APOBR: variants seen among roughly 807,000 people sequenced by gnomAD.
The protein encoded by APOBR is apolipoprotein B receptor.
In APOBR, 57 loss-of-function variants were observed where a neutral mutation model predicts 88.5. The observed-to-expected ratio is 0.64, with a 90% CI of 0.52 to 0.80. The LOEUF is 0.80. Ranked by LOEUF, APOBR falls within the 30% of genes least tolerant of loss-of-function variation. APOBR has a pLI of 0.00. For missense variants in APOBR, 1,443 were observed against 1,401.6 expected, an observed-to-expected ratio of 1.03 and a Z score of -0.47; for synonymous variants, 588 against 572.7, an observed-to-expected ratio of 1.03 and a Z score of -0.38.
Position 28,497,266 on chromosome 16 carries a change from T to A in APOBR, c.2225T>A (p.Leu742Gln). 1 of 1,590,410 alleles carries A rather than the reference T, an allele frequency of 6.3e-7. No homozygotes were observed. Among genetic ancestry groups the A allele is most frequent in the Non-Finnish European group, 8.6e-7 (1 of 1,168,904 alleles). ...AGAACATCCAGAAGAGGCTGGAGGC[T>A]GCAAGCGGTGGCTGTGGGCCTCCCG... ...ADRTSRRGWR[L>Q]QAVAVGLPDR... Residue 742 changes from leucine to glutamine, a missense_variant, in exon 2 of 4, where the codon CTG becomes CAG. Transcript: ENST00000564831.
chr16:28,498,863 G>A lies in APOBR; in HGVS notation c.*358G>A, dbSNP rs1362515966. The A allele has an allele frequency of 2.4e-5, 14 of 571,966 alleles. No homozygotes were observed. The highest frequency in any genetic ancestry group is 1.1e-4 in the African/African-American group (6 of 53,642). 35.4% of individuals were successfully genotyped at this position (571,966 alleles called of 1,614,324 possible). A position where few individuals can be genotyped will look rare whatever the true frequency, so the allele number is the denominator to read the frequency against. The stretch of plus-strand genomic sequence containing the variant: ...TTTGGGAGGCCAAGGTGGGAGGATC[G>A]CTTGAGACCAGGAGTTCGAGACCAG... On this transcript the variant is annotated 3_prime_UTR_variant, in exon 4 of 4. Coordinates refer to ENST00000564831, the MANE Select transcript of APOBR (RefSeq NM_018690.4).
In APOBR at chr16:28,497,984, C is replaced by T; in HGVS notation, c.2943C>T (p.Asn981=). The part of the protein sequence containing the change: ...AMGSARGGAA[N]SWSEAPLPGS... ...GCAGTGCCAGAGGAGGTGCTGCCAACAGCTGGAGCGAGGTGAGGGCTCTTG... is the reference window on the plus strand; with the variant it reads ...GCAGTGCCAGAGGAGGTGCTGCCAATAGCTGGAGCGAGGTGAGGGCTCTTG... The change falls in exon 2 of 4, where the codon AAC becomes AAT. Residue 981 remains asparagine (N), a synonymous_variant. Transcript: ENST00000564831. The T allele has an allele frequency of 6.3e-7, 1 of 1,597,958 alleles. No individual in the cohort carries two copies.
In APOBR at chr16:28,497,333, T is replaced by C. The variant is rs1175950724; in HGVS notation, c.2292T>C (p.Ile764=). The change falls in exon 2 of 4, where the codon ATT becomes ATC. Residue 764 remains isoleucine, a synonymous_variant. Coordinates refer to ENST00000564831, the MANE Select transcript of APOBR (RefSeq NM_018690.4). ...DAQTGSVAAG[I]MGGDVVPHIS... ...AGACTGGCTCTGTGGCTGCTGGGAT[T>C]ATGGGGGGTGATGTGGTCCCACACA... is the stretch of plus-strand genomic sequence containing the variant. 4.4e-6 allele frequency: 7 copies of C among 1,605,320 alleles called. No individual in the cohort carries two copies. In the South Asian group the frequency reaches 6.7e-5, roughly 15 times the overall value.
chr16:28,495,523 A>C lies in APOBR; in HGVS notation c.482A>C (p.Glu161Ala). ...DRSGQAQERQ[E>A]SHEQEVNREE... ...AGCGGCCAAGCCCAGGAGAGGCAGG[A>C]GTCCCATGAGCAGGAAGTGAACAGA... is the stretch of plus-strand genomic sequence containing the variant. Residue 161 changes from glutamate (E) to alanine (A), a missense_variant, in exon 2 of 4, where the codon GAG (glutamate) becomes GCG (alanine). Coordinates refer to ENST00000564831, the MANE Select transcript of APOBR (RefSeq NM_018690.4). 1 of 1,568,114 alleles carries C rather than the reference A, an allele frequency of 6.4e-7. No homozygotes were observed. Among genetic ancestry groups the C allele is most frequent in the Non-Finnish European group, 8.6e-7 (1 of 1,156,858 alleles).
rs1376484198 is a variant in APOBR at position 28,496,013 on chromosome 16, CGGGGAGGAGGCCGGGACAGCCTCGGGA to C, written c.989_1015del (p.Thr330_Gly338del). On this transcript the variant is annotated inframe_deletion, in exon 2 of 4. Transcript: ENST00000564831. ...GGGAGGAGGCTGAAACAGCCTCAGG[CGGGGAGGAGGCCGGGACAGCCTCGGGA>C]GGGGAGGAGGCCGGGATAGCCTCAG... 9.3e-6 allele frequency: 13 copies of C among 1,397,822 alleles called. No homozygotes were observed. The highest frequency in any genetic ancestry group is 3.4e-5 in the East Asian group (1 of 29,682). The allele number at this position is 1,397,822 out of a possible 1,614,324, so 86.6% of individuals were successfully genotyped here.
chr16:28,497,908 C>T lies in APOBR; in HGVS notation c.2867C>T (p.Ala956Val). 6.2e-7 allele frequency: 1 copy of T among 1,613,578 alleles called. No homozygotes were observed. Among genetic ancestry groups the T allele is most frequent in the Non-Finnish European group, 8.5e-7 (1 of 1,179,758 alleles). ...GAGCAGCCAACACACCAGGCCCCTG[C>T]AGAAGCTGCGCCGGAGTCAGTCGGG... Reference protein sequence around the residue: ...QEEQPTHQAPAEAAPESVGEA... With the variant: ...QEEQPTHQAPVEAAPESVGEA... The change falls in exon 2 of 4, where the codon GCA becomes GTA. Residue 956 changes from alanine to valine, a missense_variant. Ala to Val is a moderately conservative substitution (Grantham distance 64). Coordinates refer to ENST00000564831, the MANE Select transcript of APOBR (RefSeq NM_018690.4).
Position 28,497,478 on chromosome 16 carries a change from G to A in APOBR, c.2437G>A (p.Gly813Ser). The stretch of plus-strand genomic sequence containing the variant: ...AGGTGGGCAAGAATTTGGTCTGGAG[G>A]GCTCAGCAGAGGAAGAGGTGACTGG... Reference protein sequence around the residue: ...HAGGQEFGLEGSAEEEVTGRG... With the variant: ...HAGGQEFGLESSAEEEVTGRG... Residue 813 changes from glycine (G) to serine (S), a missense_variant, in exon 2 of 4, where the codon GGC (glycine) becomes AGC (serine). Gly to Ser is a moderately conservative substitution (Grantham distance 56). Transcript: ENST00000564831. 1 of 1,613,848 alleles carries A rather than the reference G, an allele frequency of 6.2e-7. No homozygotes were observed. Among genetic ancestry groups the A allele is most frequent in the Non-Finnish European group, 8.5e-7 (1 of 1,179,820 alleles).
Position 28,495,844 on chromosome 16 carries a change from C to T in APOBR, c.803C>T (p.Pro268Leu). Residue 268 changes from proline (P) to leucine (L), a missense_variant, in exon 2 of 4, where the codon CCA becomes CTA. By Grantham distance (98) the Pro-to-Leu change is moderately conservative. Transcript: ENST00000564831. ...ESTRAWGTWG[P>L]GAEPEDWGIL... ...ACTAGGGCATGGGGGACGTGGGGCC[C>T]AGGGGCAGAGCCTGAGGACTGGGGA... 2.5e-6 allele frequency: 4 copies of T among 1,609,346 alleles called. No individual in the cohort carries two copies. Among genetic ancestry groups the T allele is most frequent in the Non-Finnish European group, 3.4e-6 (4 of 1,178,066 alleles).
Position 28,495,153 on chromosome 16 carries a change from G to T in APOBR, c.112G>T (p.Glu38Ter). Residue 38 changes from glutamate (E) to a stop codon, truncating the protein, a stop_gained, in exon 2 of 4, where the codon GAG becomes TAG. Coordinates refer to ENST00000564831, the MANE Select transcript of APOBR (RefSeq NM_018690.4). LOFTEE classifies it high-confidence loss of function. ...CCTGGGAGATGCAGTCCCCACTGTA[G>T]AGCGGGAGGCGCAGGCGGCTGAGGA... The part of the protein sequence containing the change: ...YLLGDAVPTV[E>*]REAQAAEELG... The T allele has an allele frequency of 6.4e-7, 1 of 1,566,934 alleles. No individual in the cohort carries two copies. The highest frequency in any genetic ancestry group is 8.6e-7 in the Non-Finnish European group (1 of 1,159,314).
In APOBR at chr16:28,497,154, G is replaced by A. The variant is rs763969567; in HGVS notation, c.2113G>A (p.Gly705Arg). The A allele has an allele frequency of 2.9e-5, 46 of 1,605,652 alleles. No homozygotes were observed. Among genetic ancestry groups the A allele is most frequent in the Middle Eastern group, 3.3e-4 (2 of 6,068 alleles). ...TGTCTCAGAGAACCAGGAGCTGGAC[G>A]GAAGCACAGGGGCAGACGCAGGGCC... is the stretch of plus-strand genomic sequence containing the variant. ...ASVSENQELD[G>R]STGADAGPCP... Residue 705 changes from glycine to arginine, a missense_variant, in exon 2 of 4, where the codon GGA (glycine) becomes AGA (arginine). Coordinates refer to ENST00000564831, the MANE Select transcript of APOBR (RefSeq NM_018690.4).
Position 28,496,844 on chromosome 16 carries a change from CCTGGAGGCAGGTCCCAGGCACGCGGGGT to C in APOBR, c.1807_1834del (p.Glu603Ter). 1.3e-6 allele frequency: 2 copies of C among 1,559,554 alleles called. No homozygotes were observed. The highest frequency in any genetic ancestry group is 1.7e-4 in the Middle Eastern group (1 of 6,000). ...TGAGCAAAGAGGAGCAGGAGAGGAG[CCTGGAGGCAGGTCCCAGGCACGCGGGGT>C]CTGTAAAGCCTGAGGCCTCCGAGGC... On this transcript the variant is annotated frameshift_variant, in exon 2 of 4. Transcript: ENST00000564831. LOFTEE classifies it high-confidence loss of function.
chr16:28,494,752 A>C lies in APOBR; in HGVS notation c.57+14A>C. 1 of 1,604,854 alleles carries C rather than the reference A, an allele frequency of 6.2e-7. No homozygotes were observed. The highest frequency in any genetic ancestry group is 1.1e-5 in the South Asian group (1 of 90,372). ...AGGGGGGCACTGGTGAGAAGGGCAG[A>C]CAGCTGCCAGATACTTGCACCCCAT... On this transcript the variant is annotated intron_variant, in intron 1 of 3. Transcript: ENST00000564831.
At position 28,498,581 on chromosome 16, in the gene APOBR, C is replaced by T; in HGVS notation, c.*76C>T. ...TGCTCCAATGCCACTGAGCCCTGCT[C>T]CCTCTGCCACTGTGGACACATCCTC... On this transcript the variant is annotated 3_prime_UTR_variant, in exon 4 of 4. Transcript: ENST00000564831. The T allele has an allele frequency of 1.4e-6, 2 of 1,478,172 alleles. No individual in the cohort carries two copies. Among genetic ancestry groups the T allele is most frequent in the South Asian group, 1.2e-5 (1 of 81,026 alleles). 91.6% of individuals were successfully genotyped at this position (1,478,172 alleles called of 1,614,324 possible). A position where few individuals can be genotyped will look rare whatever the true frequency, so the allele number is the denominator to read the frequency against.
In APOBR at chr16:28,496,198, T is replaced by A; in HGVS notation, c.1157T>A (p.Val386Asp). 1 of 1,575,082 alleles carries A rather than the reference T, an allele frequency of 6.3e-7. No homozygotes were observed. The highest frequency in any genetic ancestry group is 8.6e-7 in the Non-Finnish European group (1 of 1,162,662). The change falls in exon 2 of 4, where the codon GTC becomes GAC. Residue 386 changes from valine (V) to aspartate (D), a missense_variant. Coordinates refer to ENST00000564831, the MANE Select transcript of APOBR (RefSeq NM_018690.4). ...AAAGAGGAGGCTGACCTGCTGGGAG[T>A]CAGACAGACAGAATATGGAGCAGTC... Reference protein sequence around the residue: ...SGKEEADLLGVRQTEYGAVPG... With the variant: ...SGKEEADLLGDRQTEYGAVPG...
At chr16:28,494,788 C>T (rs74949322) in intron 1 of APOBR, 50 bp downstream of exon 1, 30,163 of 1,547,510 alleles carry the variant, frequency 0.019, 331 homozygotes, top group Non-Finnish European at 0.024. Flanking sequence ...TCCCTGGGGC[C>T]TCACTTCCGG....
chr16:28,496,714 T>A lies in APOBR; in HGVS notation c.1673T>A (p.Val558Asp). ...GAATGGGGTGGCCTCACACACAGCGTCACCAAAGGCCAAGGACCTGAGCTG... is the reference window on the plus strand; with the variant it reads ...GAATGGGGTGGCCTCACACACAGCGACACCAAAGGCCAAGGACCTGAGCTG... ...GVEWGGLTHS[V>D]TKGQGPELMG... The change falls in exon 2 of 4, where the codon GTC (valine) becomes GAC (aspartate). Residue 558 changes from valine (V) to aspartate (D), a missense_variant. Transcript: ENST00000564831. 1 of 1,601,166 alleles carries A rather than the reference T, an allele frequency of 6.2e-7. No homozygotes were observed. Among genetic ancestry groups the A allele is most frequent in the Non-Finnish European group, 8.5e-7 (1 of 1,174,422 alleles).
Position 28,496,574 on chromosome 16 carries a change from T to G in APOBR, c.1533T>G (p.Asp511Glu). 2 of 1,564,742 alleles carry G rather than the reference T, an allele frequency of 1.3e-6. No individual in the cohort carries two copies. Among genetic ancestry groups the G allele is most frequent in the Non-Finnish European group, 1.7e-6 (2 of 1,155,064 alleles). ...SRDPVAELPS[D>E]GEAEGTADLE... Reference sequence around the variant, plus strand: ...ATCCAGTGGCTGAGCTGCCCTCAGATGGAGAGGCTGAAGGCACTGCCGACT... The same window carrying G: ...ATCCAGTGGCTGAGCTGCCCTCAGAGGGAGAGGCTGAAGGCACTGCCGACT... The change falls in exon 2 of 4, where the codon GAT (aspartate) becomes GAG (glutamate). Residue 511 changes from aspartate (D) to glutamate (E), a missense_variant. Physicochemically the swap from Asp to Glu is conservative, Grantham distance 45 (BLOSUM62 2). Transcript: ENST00000564831.
intron 2 of APOBR, 39 bp downstream of exon 2, chr16:28,498,035 A>T: frequency 6.5e-7 from 1 of 1,549,840 alleles, no homozygotes; most frequent in South Asian, 1.2e-5. Flanking sequence ...GAACGAGTGG[A>T]ATCCCGAAGC....
chr16:28,498,003 G>T lies in APOBR; in HGVS notation c.2955+7G>T, dbSNP rs767368577. The T allele has an allele frequency of 2.5e-6, 4 of 1,581,330 alleles. No homozygotes were observed. The highest frequency in any genetic ancestry group is 2.7e-5 in the African/African-American group (2 of 74,016). ...TGCCAACAGCTGGAGCGAGGTGAGG[G>T]CTCTTGGTGGGGTCTCGGGGGGAAC... is the stretch of plus-strand genomic sequence containing the variant. On this transcript the variant is annotated splice_region_variant and intron_variant, in intron 2 of 3. Transcript: ENST00000564831.
Sources: allele counts gnomAD v4.1 joint callset, GRCh38; gene constraint gnomAD v4.1.1; transcripts MANE v1.5; gene names NCBI Gene and HGNC (gene_info 2026-07-23, HGNC 2026-07-21).